The following NBEA variants were observed in gnomAD, a reference collection of about 807,000 sequenced individuals.
The protein encoded by NBEA is lysosomal-trafficking regulator 2.
Under a neutral mutation model 343.4 loss-of-function variants are expected in NBEA, and 44 were observed. The observed-to-expected ratio is 0.13, with a 90% CI of 0.10 to 0.16. The LOEUF (loss-of-function observed/expected upper bound fraction) is 0.16. Among genes scored for constraint, NBEA ranks in the 10% least tolerant of loss-of-function variants. The pLI is 1.00. For missense variants in NBEA, 2,555 were observed against 3,631.3 expected (o/e 0.70, Z 7.62); for synonymous variants, 1,175 against 1,238.7 (o/e 0.95, Z 1.08).
intron 58 of NBEA, among the ~76,000 whole-genome samples, chr13:35,669,210 A>G (rs1407486272): frequency 1.3e-5 from 2 of 152,220 alleles, no homozygotes; most frequent in African/African-American, 2.4e-5. Context: ...GGTTTCTTAC[A>G]AAGTGAAAAT....
intron 38 of NBEA, among the ~76,000 whole-genome samples, chr13:35,410,724 A>G (rs555574971): frequency 6.6e-6 from 1 of 152,298 alleles, no homozygotes; most frequent in Non-Finnish European, 1.5e-5. Flanking sequence ...TAACTGAAGA[A>G]AAGGGTACCC....
chr13:35,150,301 AT>A (rs1170899001), intron 18 of NBEA, among the ~76,000 whole-genome samples: 1 of 152,226 alleles, frequency 6.6e-6, no homozygotes, highest in African/African-American at 2.4e-5. Context: ...ATGATTGGTT[AT>A]CATTGTTAAT....
chr13:35,464,321 A>G (rs372375206), intron 40 of NBEA, among the ~76,000 whole-genome samples: 31 of 152,280 alleles, frequency 2.0e-4, no homozygotes, highest in African/African-American at 7.5e-4. Flanking sequence ...TCTCTGGCCA[A>G]ACTTATTTAC....
In NBEA at chr13:35,173,027, C is replaced by T. The variant is rs536278276; in HGVS notation, c.4424-437C>T. 1.1e-4 allele frequency among the ~76,000 whole-genome samples: 16 copies of T among 151,970 alleles called. No homozygotes were observed. In the South Asian group the frequency reaches 2.1e-3, roughly 20 times the overall value. The stretch of plus-strand genomic sequence containing the variant: ...TATACTGATGTACTCTATTATTGCC[C>T]GAAATGGGAAGTTGTGCTCAGTAGA... On this transcript the variant is annotated intron_variant, in intron 26 of 58. Transcript: ENST00000379939.
intron 41 of NBEA, chr13:35,474,894 C>CT: frequency 1.1e-6 from 1 of 871,958 alleles, no homozygotes. Flanking sequence ...TTTTTCTCCC[C>CT]TTGTGGGGGT....
intron 38 of NBEA, among the ~76,000 whole-genome samples, chr13:35,410,284 C>T (rs1007622384): frequency 6.6e-6 from 1 of 152,120 alleles, no homozygotes; most frequent in African/African-American, 2.4e-5. Context: ...TAGGATTTGA[C>T]TATCTGAGCC....
intron 1 of NBEA, among the ~76,000 whole-genome samples, chr13:34,960,246 A>G (rs187215574): frequency 7.6e-4 from 116 of 152,284 alleles, no homozygotes; most frequent in African/African-American, 2.7e-3. Flanking sequence ...GTAAACATAG[A>G]AAAAGGTTAT....
At chr13:35,230,007 G>T (rs2074879307) in intron 33 of NBEA, among the ~76,000 whole-genome samples, 1 of 152,036 alleles carries the variant, frequency 6.6e-6, no homozygotes, top group Non-Finnish European at 1.5e-5. Context: ...CTAATCTCTT[G>T]CTGAGTAAAA....
chr13:35,353,030 A>C (rs2040275291), intron 38 of NBEA, among the ~76,000 whole-genome samples: 1 of 151,996 alleles, frequency 6.6e-6, no homozygotes, highest in Non-Finnish European at 1.5e-5. Context: ...ATGTTTTTTG[A>C]CCCCACTAAA....
intron 34 of NBEA, among the ~76,000 whole-genome samples, chr13:35,244,661 G>C (rs2030904643): frequency 6.6e-6 from 1 of 152,040 alleles, no homozygotes; most frequent in African/African-American, 2.4e-5. Flanking sequence ...AATGATGATT[G>C]TATTTCGATG....
At chr13:35,216,650 C>T (rs1368977015) in intron 33 of NBEA, among the ~76,000 whole-genome samples, 7 of 151,918 alleles carry the variant, frequency 4.6e-5, no homozygotes, top group Admixed American at 2.6e-4. Context: ...TGGATTCATA[C>T]ACTTTACAGA....
chr13:35,594,812 T>G (rs2081695300), intron 47 of NBEA, among the ~76,000 whole-genome samples: 1 of 152,096 alleles, frequency 6.6e-6, no homozygotes, highest in African/African-American at 2.4e-5. Flanking sequence ...ATTTTGTATG[T>G]GAATTAAATA....
At chr13:35,583,713 A>G (rs2081160863) in intron 45 of NBEA, among the ~76,000 whole-genome samples, 185 bp from the exon 46 acceptor site, 1 of 152,236 alleles carries the variant, frequency 6.6e-6, no homozygotes, top group Non-Finnish European at 1.5e-5. Context: ...TGGGCAGTTT[A>G]TAACAAGTGT....
intron 11 of NBEA, among the ~76,000 whole-genome samples, chr13:35,101,061 A>C (rs1398315373): frequency 1.3e-5 from 2 of 151,582 alleles, no homozygotes; most frequent in Non-Finnish European, 3.0e-5. Context: ...GCTAAATAGT[A>C]TTCCATTAGA....
At chr13:34,955,052 A>G (rs2059451454) in intron 1 of NBEA, among the ~76,000 whole-genome samples, 1 of 152,150 alleles carries the variant, frequency 6.6e-6, no homozygotes, top group African/African-American at 2.4e-5. Flanking sequence ...AGATGAGGAA[A>G]CTGAGAACCA....
intron 39 of NBEA, 76 bp downstream of exon 39, chr13:35,432,469 T>G: frequency 7.5e-7 from 1 of 1,337,630 alleles, no homozygotes; most frequent in Non-Finnish European, 1.0e-6. Context: ...TTCCTTCTTT[T>G]TTTTTCGCTA....
In NBEA at chr13:35,353,434, C is replaced by CAA. The variant is rs369733476; in HGVS notation, c.6179+1120_6179+1121dup. Among the ~76,000 whole-genome samples, 371 of 142,020 alleles carry CAA rather than the reference C, an allele frequency of 2.6e-3. 2 individuals carry two copies. The highest frequency in any genetic ancestry group is 9.0e-3 in the African/African-American group (349 of 38,706). 93.2% of individuals were successfully genotyped at this position (142,020 alleles called of 152,430 possible). ...TGGGTGACAGAGTGAGACTTTGTCT[C>CAA]AAAAAAAAAAGATTCTGTTAGAGAA... On this transcript the variant is annotated intron_variant, in intron 38 of 58. Coordinates refer to ENST00000379939, the MANE Select transcript of NBEA (RefSeq NM_001385012.1).
chr13:35,050,356 T>C lies in NBEA; in HGVS notation c.933T>C (p.Gly311=), dbSNP rs752938259. The C allele has an allele frequency of 1.4e-5, 23 of 1,608,754 alleles. No homozygotes were observed. The highest frequency in any genetic ancestry group is 2.0e-5 in the Non-Finnish European group (23 of 1,177,926). ...CATCATTGAAGTCCAAAGGAAAAGGTTTTCAGCATTGTGTGAAATATGATT... is the reference window on the plus strand; with the variant it reads ...CATCATTGAAGTCCAAAGGAAAAGGCTTTCAGCATTGTGTGAAATATGATT... ...IVTSLKSKGK[G]FQHCVKYDFQ... is the part of the protein sequence containing the mutation. The change falls in exon 6 of 59, where the codon GGT becomes GGC. Residue 311 remains glycine, a synonymous_variant. Transcript: ENST00000379939.
intron 17 of NBEA, among the ~76,000 whole-genome samples, 162 bp from the exon 18 acceptor site, chr13:35,142,107 C>T (rs1219326464): frequency 6.6e-6 from 1 of 152,166 alleles, no homozygotes; most frequent in Non-Finnish European, 1.5e-5. Context: ...CTTTAGGATA[C>T]AGTTGTGTTA....
Sources: allele counts gnomAD v4.1 joint callset (sites outside exome capture counted in the v4.1 genomes callset), GRCh38; gene constraint gnomAD v4.1.1; transcripts MANE v1.5; gene names NCBI Gene and HGNC (gene_info 2026-07-23, HGNC 2026-07-21).